Variants in LARP1 observed in about 807,000 individuals in gnomAD.
The protein encoded by LARP1 is La ribonucleoprotein 1, translational regulator.
A neutral mutation model predicts 122.7 loss-of-function variants in LARP1; 36 were observed. That is an observed-to-expected ratio of 0.29 (90% confidence interval 0.22 to 0.39). The LOEUF is 0.39. Ranked by LOEUF, LARP1 falls within the 10% of genes least tolerant of loss-of-function variation. The probability of loss-of-function intolerance (pLI) is 1.00; values close to 1 mark genes in which losing one functional copy is unlikely to be tolerated. For missense variants in LARP1, 1,040 were observed against 1,403.6 expected (o/e 0.74, Z 4.14); for synonymous variants, 539 against 528.7 (o/e 1.02, Z -0.27).
At chr5:154,760,408 C>T (rs545542473) in intron 1 of LARP1, among the ~76,000 whole-genome samples, 1 of 152,248 alleles carries the variant, frequency 6.6e-6, no homozygotes, top group African/African-American at 2.4e-5. Context: ...ACTCCCTCCC[C>T]ACAAAAGAAA....
At chr5:154,715,241 C>T (rs1290429687) in intron 1 of LARP1, among the ~76,000 whole-genome samples, 1 of 150,456 alleles carries the variant, frequency 6.6e-6, no homozygotes, top group East Asian at 1.9e-4. Context: ...GTTAGCCAGT[C>T]CCCTGCTCTG....
chr5:154,787,079 A>G (rs1370327421), intron 1 of LARP1, among the ~76,000 whole-genome samples: 2 of 151,958 alleles, frequency 1.3e-5, no homozygotes, highest in Non-Finnish European at 2.9e-5. Context: ...GGGTTTCTCC[A>G]TGTTGCTCAG....
At chr5:154,683,663 A>G (rs1318102360) in intron 1 of LARP1, among the ~76,000 whole-genome samples, 1 of 152,186 alleles carries the variant, frequency 6.6e-6, no homozygotes, top group African/African-American at 2.4e-5. Flanking sequence ...TTCATATTTT[A>G]CATGGGGATT....
chr5:154,798,855 TTTTGTTTGTTTG>T (rs60748260), intron 8 of LARP1, among the ~76,000 whole-genome samples: 5 of 151,968 alleles, frequency 3.3e-5, no homozygotes, highest in Admixed American at 1.3e-4. Flanking sequence ...TTGGTTGTTT[TTTTGTTTGTTTG>T]TTTGTTTGTT....
intron 1 of LARP1, among the ~76,000 whole-genome samples, chr5:154,744,418 G>A (rs1350982745): frequency 6.6e-6 from 1 of 152,036 alleles, no homozygotes; most frequent in Non-Finnish European, 1.5e-5. Flanking sequence ...AGAGTAGTGT[G>A]CTGGGAGTAA....
chr5:154,729,932 A>G (rs995822677), intron 1 of LARP1, among the ~76,000 whole-genome samples: 6 of 152,206 alleles, frequency 3.9e-5, no homozygotes, highest in Non-Finnish European at 5.9e-5. Flanking sequence ...GTCCAAGTCA[A>G]TCTGCATGAC....
At chr5:154,797,377 G>T (rs1757969310) in intron 8 of LARP1, among the ~76,000 whole-genome samples, 1 of 151,556 alleles carries the variant, frequency 6.6e-6, no homozygotes, top group South Asian at 2.1e-4. Context: ...GGTATTACAG[G>T]CATGCACCAC....
In LARP1 at chr5:154,792,688, A is replaced by T; in HGVS notation, c.631A>T (p.Lys211Ter). 1 of 1,614,156 alleles carries T rather than the reference A, an allele frequency of 6.2e-7. No homozygotes were observed. The highest frequency in any genetic ancestry group is 8.5e-7 in the Non-Finnish European group (1 of 1,180,020). ...CAAGAAGGACATGAAGGAACAGGAG[A>T]AAGGAGAAGGGAGTGATAGTAAGGA... ...PPKKDMKEQE[K>*]GEGSDSKESP... The change falls in exon 4 of 19, where the codon AAA (lysine) becomes TAA (stop). Residue 211 changes from lysine (K) to a stop codon, truncating the protein, a stop_gained. Coordinates refer to ENST00000518297, the MANE Select transcript of LARP1 (RefSeq NM_033551.3). LOFTEE classifies it high-confidence loss of function.
chr5:154,688,414 G>A (rs1490857058), intron 1 of LARP1, among the ~76,000 whole-genome samples: 1 of 152,010 alleles, frequency 6.6e-6, no homozygotes, highest in Admixed American at 6.6e-5. Context: ...ACTTGGGGAG[G>A]CTGAGTGGGC....
Position 154,802,250 on chromosome 5 carries a change from C to T in LARP1, c.1960C>T (p.Arg654Cys), listed in dbSNP as rs773704527. ...TGTCACCCAGACACCACATTACATG[C>T]GCCGGCACCCAGGGGGGGACCGCAC... ...LIVTQTPHYM[R>C]RHPGGDRTGN... Residue 654 changes from arginine (R) to cysteine (C), a missense_variant, in exon 11 of 19, where the codon CGC (arginine) becomes TGC (cysteine). Arg to Cys is a radical substitution (Grantham distance 180, BLOSUM62 -3). Transcript: ENST00000518297. This position sits in a 1 kb window ranked among gnomAD's most constrained non-coding sequence, Gnocchi z 5.1. 1.9e-6 allele frequency: 3 copies of T among 1,614,208 alleles called. No homozygotes were observed. Among genetic ancestry groups the T allele is most frequent in the South Asian group, 1.1e-5 (1 of 91,078 alleles).
chr5:154,781,617 A>T (rs1308726280), intron 1 of LARP1, among the ~76,000 whole-genome samples: 2 of 152,060 alleles, frequency 1.3e-5, no homozygotes, highest in Non-Finnish European at 2.9e-5. Flanking sequence ...AAAAAAACGG[A>T]AAAATAAATG....
intron 1 of LARP1, among the ~76,000 whole-genome samples, chr5:154,736,999 T>C (rs1307200763): frequency 6.6e-6 from 1 of 152,218 alleles, no homozygotes; most frequent in Non-Finnish European, 1.5e-5. Context: ...CTGGTTTGTT[T>C]TGATAGTAGC....
intron 1 of LARP1, among the ~76,000 whole-genome samples, chr5:154,725,749 T>A (rs1308823168): frequency 6.6e-6 from 1 of 152,044 alleles, no homozygotes; most frequent in East Asian, 1.9e-4. Flanking sequence ...GAGCAGAGAG[T>A]CTGGTAGTGT....
chr5:154,791,470 A>G (rs554131501), intron 3 of LARP1, among the ~76,000 whole-genome samples: 1 of 152,246 alleles, frequency 6.6e-6, no homozygotes, highest in Non-Finnish European at 1.5e-5. Flanking sequence ...CGGCCTCCCA[A>G]AGTGCTGGGA....
intron 1 of LARP1, among the ~76,000 whole-genome samples, chr5:154,683,948 A>G (rs1381739206): frequency 6.6e-6 from 1 of 152,196 alleles, no homozygotes; most frequent in Non-Finnish European, 1.5e-5. Flanking sequence ...GTGGAAATAG[A>G]TGACAAAACT....
At chr5:154,806,110 G>A in intron 15 of LARP1, 78 bp downstream of exon 15, 1 of 1,447,118 alleles carries the variant, frequency 6.9e-7, no homozygotes, top group Non-Finnish European at 9.3e-7. Flanking sequence ...GGGGATACGG[G>A]GATAGGTGAC....
chr5:154,806,072 G>A (rs186072749), intron 15 of LARP1, 40 bp downstream of exon 15: 215 of 1,601,172 alleles, frequency 1.3e-4, no homozygotes, highest in Admixed American at 2.4e-4. Context: ...CTCTGGGCCC[G>A]TTATTTAGAC....
chr5:154,751,165 T>C (rs1753468144), upstream of LARP1, among the ~76,000 whole-genome samples: 1 of 152,108 alleles, frequency 6.6e-6, no homozygotes, highest in Non-Finnish European at 1.5e-5. Flanking sequence ...GATATGGCAA[T>C]GGAGGGAAGA....
chr5:154,691,501 G>T lies in LARP1; in HGVS notation c.-180+8464G>T, dbSNP rs546685226. Among the ~76,000 whole-genome samples, 20 of 152,292 alleles carry T rather than the reference G, an allele frequency of 1.3e-4. No individual in the cohort carries two copies. The South Asian group carries it at 3.9e-3, about 30-fold the overall frequency. ...GAAGCACGAGCTGCGCGCAGGTCGC[G>T]GGGTCCGCGGGTGGCGGCCCACTCT... is the stretch of plus-strand genomic sequence containing the variant. On this transcript the variant is annotated intron_variant, in intron 1 of 18. Coordinates refer to the LARP1 transcript ENST00000687700.
Sources: allele counts gnomAD v4.1 joint callset (sites outside exome capture counted in the v4.1 genomes callset), GRCh38; gene constraint gnomAD v4.1.1; non-coding constraint Gnocchi (gnomAD v3.1); transcripts MANE v1.5; gene names NCBI Gene and HGNC (gene_info 2026-07-23, HGNC 2026-07-21).